Variants in ARHGAP22 observed in about 807,000 individuals in gnomAD.
ARHGAP22 encodes the protein Rho GTPase activating protein 22, also known as rho GTPase-activating protein 22.
A neutral mutation model predicts 59.1 loss-of-function variants in ARHGAP22; 48 were observed. The ratio of observed to expected loss-of-function variants is 0.81; its 90% CI spans 0.64 to 1.03. The LOEUF (loss-of-function observed/expected upper bound fraction) is 1.03. Ranked by LOEUF, ARHGAP22 falls within the 50% of genes least tolerant of loss-of-function variation. The probability of loss-of-function intolerance (pLI) is 0.00; values close to 1 mark genes in which losing one functional copy is unlikely to be tolerated. For synonymous variants in ARHGAP22, 445 were observed against 416.4 expected (o/e 1.07, Z -0.84); for missense variants, 1,015 against 958.7 (o/e 1.06, Z -0.78).
intron 1 of ARHGAP22, among the ~76,000 whole-genome samples, chr10:48,617,663 C>A (rs180955356): frequency 0.012 from 1,785 of 151,874 alleles, 29 homozygotes; most frequent in African/African-American, 0.041. Context: ...AGAAGTACAA[C>A]ATATAAAAAT....
intron 2 of ARHGAP22, among the ~76,000 whole-genome samples, chr10:48,558,648 T>G (rs1467089169): frequency 6.6e-6 from 1 of 152,210 alleles, no homozygotes; most frequent in African/African-American, 2.4e-5. Flanking sequence ...GTTACAGGTG[T>G]GAGTCACACC....
chr10:48,653,363 A>G (rs1272320889), upstream of ARHGAP22, among the ~76,000 whole-genome samples: 1 of 152,232 alleles, frequency 6.6e-6, no homozygotes, highest in African/African-American at 2.4e-5. Flanking sequence ...GGGTGCAGGA[A>G]TTGGGGCTGT....
intron 5 of ARHGAP22, among the ~76,000 whole-genome samples, chr10:48,457,261 C>T (rs2133738112): frequency 6.6e-6 from 1 of 152,304 alleles, no homozygotes; most frequent in South Asian, 2.1e-4. Context: ...GAGTCCGTTT[C>T]TCATCACCCA....
the ARHGAP22 span, chr10:48,430,836 CA>C: frequency 1.2e-5 from 3 of 253,060 alleles, no homozygotes; most frequent in Non-Finnish European, 2.2e-5. Flanking sequence ...ACACGTGGTT[CA>C]AGCCCTCCCT....
intron 3 of ARHGAP22, among the ~76,000 whole-genome samples, chr10:48,505,899 G>A (rs560711505): frequency 9.2e-5 from 14 of 152,334 alleles, no homozygotes; most frequent in East Asian, 1.9e-4. Context: ...CTCCACACCC[G>A]TGTTCTACCG....
intron 3 of ARHGAP22, among the ~76,000 whole-genome samples, chr10:48,519,049 C>T (rs1050595419): frequency 2.6e-5 from 4 of 152,090 alleles, no homozygotes; most frequent in African/African-American, 9.7e-5. Flanking sequence ...GCCAGAGGGC[C>T]GAGCAAGCAA....
At chr10:48,639,907 G>T (rs941319572) in intron 1 of ARHGAP22, among the ~76,000 whole-genome samples, 1 of 151,808 alleles carries the variant, frequency 6.6e-6, no homozygotes, top group East Asian at 1.9e-4. Flanking sequence ...ATTTAACAGA[G>T]ACTTTCAAAA....
At chr10:48,489,900 A>G (rs1235067087) in intron 3 of ARHGAP22, among the ~76,000 whole-genome samples, 1 of 151,800 alleles carries the variant, frequency 6.6e-6, no homozygotes, top group Non-Finnish European at 1.5e-5. Flanking sequence ...CGCTCGGCTA[A>G]TTTTTTGTAT....
intron 3 of ARHGAP22, among the ~76,000 whole-genome samples, chr10:48,550,704 A>C (rs1590117578): frequency 6.6e-6 from 1 of 152,250 alleles, no homozygotes; most frequent in Non-Finnish European, 1.5e-5. Flanking sequence ...AGACAAATAC[A>C]TTCTTGTGTC....
At chr10:48,597,728 T>C (rs992073109) in intron 1 of ARHGAP22, among the ~76,000 whole-genome samples, 4 of 152,218 alleles carry the variant, frequency 2.6e-5, no homozygotes, top group African/African-American at 9.7e-5. Flanking sequence ...CTGTTTCTGC[T>C]CTGTTCAGAT....
upstream of ARHGAP22, among the ~76,000 whole-genome samples, chr10:48,606,553 C>T (rs548234148): frequency 7.9e-5 from 12 of 152,274 alleles, no homozygotes; most frequent in East Asian, 5.8e-4. Context: ...TATCTCTTGC[C>T]GATGCTCTAT....
At chr10:48,471,535 C>T (rs773415609) in intron 4 of ARHGAP22, among the ~76,000 whole-genome samples, 2 of 152,194 alleles carry the variant, frequency 1.3e-5, no homozygotes, top group Admixed American at 6.5e-5. Flanking sequence ...CAAACCTAAA[C>T]GTGTCCAAAC....
intron 1 of ARHGAP22, among the ~76,000 whole-genome samples, chr10:48,617,977 A>G (rs2061147184): frequency 6.6e-6 from 1 of 152,056 alleles, no homozygotes; most frequent in Non-Finnish European, 1.5e-5. Flanking sequence ...ACTCAAATAA[A>G]TACAATCAGA....
chr10:48,451,618 G>A (rs920486699), intron 8 of ARHGAP22: 3 of 695,136 alleles, frequency 4.3e-6, no homozygotes, highest in Admixed American at 4.0e-5. Flanking sequence ...CTGTGTGGGG[G>A]CACACACATA....
intron 3 of ARHGAP22, among the ~76,000 whole-genome samples, chr10:48,503,357 G>T (rs2051733124): frequency 6.6e-6 from 1 of 152,212 alleles, no homozygotes; most frequent in African/African-American, 2.4e-5. Context: ...AACAAAAAAG[G>T]AACTAACATT....
intron 3 of ARHGAP22, among the ~76,000 whole-genome samples, chr10:48,530,380 C>T (rs576725480): frequency 4.6e-5 from 7 of 151,788 alleles, no homozygotes; most frequent in African/African-American, 1.4e-4. Flanking sequence ...TGACCAAAAA[C>T]CCAAAAGCAA....
At chr10:48,570,350 A>G (rs953131278) in intron 2 of ARHGAP22, among the ~76,000 whole-genome samples, 5 of 152,232 alleles carry the variant, frequency 3.3e-5, no homozygotes, top group Non-Finnish European at 1.5e-5. Context: ...GTTGTCCCCC[A>G]GGACATTTTA....
chr10:48,456,817 C>CTCCCTCCT (rs2046564185), intron 5 of ARHGAP22, among the ~76,000 whole-genome samples: 1 of 151,640 alleles, frequency 6.6e-6, no homozygotes, highest in Admixed American at 6.6e-5. Flanking sequence ...TCGTCCCTCC[C>CTCCCTCCT]TCCCTCCCTC....
intron 2 of ARHGAP22, among the ~76,000 whole-genome samples, chr10:48,567,574 G>T (rs565138023): frequency 6.6e-6 from 1 of 152,204 alleles, no homozygotes; most frequent in East Asian, 1.9e-4. Flanking sequence ...ACACATTTGG[G>T]GCAGACCATT....
Sources: allele counts gnomAD v4.1 joint callset (sites outside exome capture counted in the v4.1 genomes callset), GRCh38; gene constraint gnomAD v4.1.1; transcripts MANE v1.5; gene names NCBI Gene and HGNC (gene_info 2026-07-23, HGNC 2026-07-21).